The following PDE4D variants were observed in gnomAD, a reference collection of about 807,000 sequenced individuals.
The protein encoded by PDE4D is phosphodiesterase 4D, also known as 3',5'-cyclic-AMP phosphodiesterase 4D.
PDE4D carries 24 observed loss-of-function variants against 87.4 expected under a neutral mutation model. The observed-to-expected ratio is 0.27, with a 90% confidence interval of 0.20 to 0.39. The LOEUF (loss-of-function observed/expected upper bound fraction) is 0.39, where lower values mean the gene tolerates loss of function less well. Among genes scored for constraint, PDE4D ranks in the 10% least tolerant of loss-of-function variants. The pLI, the probability that PDE4D is intolerant of heterozygous loss-of-function variation, is 1.00. For missense variants in PDE4D, 714 were observed against 1,041.0 expected (o/e 0.69, Z 4.32); for synonymous variants, 384 against 383.2 (o/e 1.00, Z -0.02).
chr5:59,676,709 T>G (rs1448420342), intron 1 of PDE4D, among the ~76,000 whole-genome samples: 1 of 152,224 alleles, frequency 6.6e-6, no homozygotes, highest in African/African-American at 2.4e-5. Flanking sequence ...TAGGGATGTT[T>G]CAATACATAC....
At chr5:59,292,962 T>C (rs1377152248) in intron 1 of PDE4D, among the ~76,000 whole-genome samples, 1 of 152,210 alleles carries the variant, frequency 6.6e-6, no homozygotes, top group Non-Finnish European at 1.5e-5. Flanking sequence ...CTTCCCTTGC[T>C]AATGAGATGA....
At chr5:60,023,016 G>A (rs1766242168) in intron 2 of PDE4D, among the ~76,000 whole-genome samples, 1 of 152,126 alleles carries the variant, frequency 6.6e-6, no homozygotes, top group African/African-American at 2.4e-5. Context: ...TCCATTGAAT[G>A]TCCCTGTGTC....
At chr5:60,408,585 G>A (rs956641529) in intron 1 of PDE4D, among the ~76,000 whole-genome samples, 5 of 152,014 alleles carry the variant, frequency 3.3e-5, no homozygotes, top group African/African-American at 1.2e-4. Flanking sequence ...GCAAATGGAG[G>A]GCCTGTAATT....
intron 1 of PDE4D, among the ~76,000 whole-genome samples, chr5:60,343,494 A>G (rs1414109185): frequency 1.3e-5 from 2 of 152,200 alleles, no homozygotes; most frequent in African/African-American, 4.8e-5. Context: ...TCTATTAAGC[A>G]CATATCTTCC....
chr5:59,992,839 G>A (rs1763150198), intron 2 of PDE4D, among the ~76,000 whole-genome samples: 1 of 152,028 alleles, frequency 6.6e-6, no homozygotes, highest in Non-Finnish European at 1.5e-5. Flanking sequence ...GCACTAGAGG[G>A]CTATATTCTA....
intron 3 of PDE4D, chr5:59,987,459 G>A (rs1762559448): frequency 1.3e-5 from 2 of 151,810 alleles, no homozygotes; most frequent in Non-Finnish European, 2.9e-5. Context: ...TCTAACACAG[G>A]TCCCTTAGAC....
chr5:59,394,726 A>T (rs555033180), intron 1 of PDE4D, among the ~76,000 whole-genome samples: 1 of 152,308 alleles, frequency 6.6e-6, no homozygotes, highest in South Asian at 2.1e-4. Context: ...CAACAGGAGG[A>T]GCCAAGATGG....
chr5:59,836,711 A>G (rs1014295094), intron 1 of PDE4D, among the ~76,000 whole-genome samples: 6 of 151,890 alleles, frequency 4.0e-5, no homozygotes, highest in African/African-American at 1.5e-4. Flanking sequence ...CTGTCTATCT[A>G]TCATCTGTCT....
chr5:60,031,601 G>T (rs1767252993), intron 2 of PDE4D, among the ~76,000 whole-genome samples: 1 of 152,102 alleles, frequency 6.6e-6, no homozygotes, highest in South Asian at 2.1e-4. Context: ...GCCTGATGAA[G>T]AATAATATGT....
intron 1 of PDE4D, among the ~76,000 whole-genome samples, chr5:60,398,732 A>T (rs942321367): frequency 2.0e-5 from 3 of 152,156 alleles, no homozygotes; most frequent in African/African-American, 7.2e-5. Flanking sequence ...ATAGCTATTT[A>T]CTAAATACTT....
At chr5:59,428,398 G>A (rs895768924) in intron 1 of PDE4D, among the ~76,000 whole-genome samples, 1 of 151,814 alleles carries the variant, frequency 6.6e-6, no homozygotes, top group Admixed American at 6.6e-5. Context: ...TTCTTTAGAT[G>A]TCTTTCCCTC....
intron 1 of PDE4D, among the ~76,000 whole-genome samples, chr5:59,222,445 G>C (rs1752763364): frequency 6.6e-6 from 1 of 152,036 alleles, no homozygotes; most frequent in Non-Finnish European, 1.5e-5. Flanking sequence ...ACTTAGCACT[G>C]ACCCCCAGTA....
rs538668666 is a variant in PDE4D at position 59,551,688 on chromosome 5, C to G, written c.456-335720G>C. Reference sequence around the variant, plus strand: ...AACCTTTACCCACTGTGCTTTATTTCAACTTTTTCTTGATTTTCCCATGTT... The same window carrying G: ...AACCTTTACCCACTGTGCTTTATTTGAACTTTTTCTTGATTTTCCCATGTT... On this transcript the variant is annotated intron_variant, in intron 1 of 14. Coordinates refer to ENST00000340635, the MANE Select transcript of PDE4D (RefSeq NM_001104631.2). 7.9e-5 allele frequency among the ~76,000 whole-genome samples: 12 copies of G among 152,126 alleles called. No homozygotes were observed. The South Asian group carries it at 2.5e-3, about 32-fold the overall frequency.
intron 6 of PDE4D, among the ~76,000 whole-genome samples, chr5:59,022,589 C>T (rs1303791901): frequency 6.6e-6 from 1 of 152,168 alleles, no homozygotes; most frequent in Non-Finnish European, 1.5e-5. Flanking sequence ...TCCATCCCAC[C>T]TCCAAATCCT....
intron 2 of PDE4D, among the ~76,000 whole-genome samples, chr5:60,008,737 T>C (rs913796284): frequency 2.0e-5 from 3 of 152,064 alleles, no homozygotes; most frequent in Non-Finnish European, 4.4e-5. Flanking sequence ...TATGCTTCTG[T>C]AACTACCACC....
At chr5:59,466,208 C>A (rs746179535) in intron 1 of PDE4D, among the ~76,000 whole-genome samples, 1 of 152,092 alleles carries the variant, frequency 6.6e-6, no homozygotes, top group African/African-American at 2.4e-5. Context: ...TTTAAATTAG[C>A]GTGTGTACAA....
chr5:60,034,520 C>G (rs761080703), intron 2 of PDE4D, among the ~76,000 whole-genome samples: 48 of 152,092 alleles, frequency 3.2e-4, no homozygotes, highest in Non-Finnish European at 4.3e-4. Context: ...CTTAAAAGGC[C>G]CCTTTATAAT....
chr5:59,286,697 C>A (rs758404208), intron 1 of PDE4D, among the ~76,000 whole-genome samples: 1 of 152,134 alleles, frequency 6.6e-6, no homozygotes, highest in African/African-American at 2.4e-5. Flanking sequence ...TGCCATTAAG[C>A]AATGACTCCT....
Position 59,525,817 on chromosome 5 carries a change from C to T in PDE4D, c.456-309849G>A, listed in dbSNP as rs569352430. The stretch of plus-strand genomic sequence containing the variant: ...TGATAGTTCTATAAGGGGCTTTTTC[C>T]CCCTTTCCTCTGCACTTCCCTCCCC... On this transcript the variant is annotated intron_variant, in intron 1 of 14. Coordinates refer to ENST00000340635, the MANE Select transcript of PDE4D (RefSeq NM_001104631.2). Among the ~76,000 whole-genome samples, 3 of 152,146 alleles carry T rather than the reference C, an allele frequency of 2.0e-5. No individual in the cohort carries two copies. The South Asian group carries it at 6.2e-4, about 32-fold the overall frequency.
Sources: allele counts gnomAD v4.1 joint callset (sites outside exome capture counted in the v4.1 genomes callset), GRCh38; gene constraint gnomAD v4.1.1; transcripts MANE v1.5; gene names NCBI Gene and HGNC (gene_info 2026-07-23, HGNC 2026-07-21).